Variants in TBC1D19 observed in about 807,000 individuals in gnomAD.
TBC1D19 encodes TBC1 domain family member 19.
A neutral mutation model predicts 89.0 loss-of-function variants in TBC1D19; 60 were observed. The ratio of observed to expected loss-of-function variants is 0.67; its 90% confidence interval spans 0.55 to 0.84. TBC1D19 has a LOEUF of 0.84. Ranked by LOEUF, TBC1D19 falls within the 40% of genes least tolerant of loss-of-function variation. The pLI, the probability that TBC1D19 is intolerant of heterozygous loss-of-function variation, is 0.00. For synonymous variants in TBC1D19, 189 were observed against 199.7 expected (o/e 0.95, Z 0.45); for missense variants, 500 against 610.8 (o/e 0.82, Z 1.91).
chr4:26,780,237 A>G, the TBC1D19 span, among the ~76,000 whole-genome samples: 1 of 152,178 alleles, frequency 6.6e-6, no homozygotes, highest in Non-Finnish European at 1.5e-5. Flanking sequence ...CTAAATTAGG[A>G]TCGTCCCACA....
At chr4:26,714,608 G>A (rs1349922239) in intron 13 of TBC1D19, among the ~76,000 whole-genome samples, 1 of 151,990 alleles carries the variant, frequency 6.6e-6, no homozygotes, top group African/African-American at 2.4e-5. Flanking sequence ...ATAAAATTTG[G>A]AAGGCCTTCT....
intron 13 of TBC1D19, among the ~76,000 whole-genome samples, chr4:26,700,471 A>G (rs533535190): frequency 3.2e-4 from 49 of 152,278 alleles, no homozygotes; most frequent in African/African-American, 1.1e-3. Context: ...CCAGAACTTC[A>G]TGGGCCTTCA....
Position 26,755,136 on chromosome 4 carries a change from A to G in TBC1D19, c.*189A>G, listed in dbSNP as rs928329594. 3.1e-6 allele frequency: 1 copy of G among 322,330 alleles called. No individual in the cohort carries two copies. The highest frequency in any genetic ancestry group is 5.6e-6 in the Non-Finnish European group (1 of 179,354). The allele number at this position is 322,330 out of a possible 1,614,324, so 20.0% of individuals were successfully genotyped here. ...AACTCTGCACCAAATATTGCATCGC[A>G]TGCTGCTGATTTTCAAGAGAGAAGC... On this transcript the variant is annotated 3_prime_UTR_variant, in exon 21 of 21. Transcript: ENST00000264866.
intron 7 of TBC1D19, among the ~76,000 whole-genome samples, chr4:26,646,948 A>G (rs1744011743): frequency 6.6e-6 from 1 of 152,156 alleles, no homozygotes; most frequent in Non-Finnish European, 1.5e-5. Flanking sequence ...TAAAATAATG[A>G]AAAAGAATAG....
In TBC1D19 at chr4:26,717,918, C is replaced by T. The variant is rs754383881; in HGVS notation, c.955-15C>T. On this transcript the variant is annotated splice_polypyrimidine_tract_variant and intron_variant, in intron 13 of 20. Transcript: ENST00000264866. ...TAGTGCTTAATTGCTATTTTTTTTC[C>T]AATGTTATATTCAGGTATTACTTTG... The T allele has an allele frequency of 3.8e-6, 6 of 1,596,554 alleles. No homozygotes were observed. In the Admixed American group the frequency reaches 6.8e-5, roughly 18 times the overall value.
At chr4:26,691,223 G>A (rs1714252834) in intron 13 of TBC1D19, among the ~76,000 whole-genome samples, 1 of 152,108 alleles carries the variant, frequency 6.6e-6, no homozygotes, top group Non-Finnish European at 1.5e-5. Flanking sequence ...TGCTTCTTGA[G>A]GATAAACAAA....
chr4:26,606,673 A>T (rs1480431104), intron 1 of TBC1D19, among the ~76,000 whole-genome samples: 2 of 152,170 alleles, frequency 1.3e-5, no homozygotes, highest in African/African-American at 4.8e-5. Context: ...GAGGATAATC[A>T]AGCATTAAAT....
intron 19 of TBC1D19, among the ~76,000 whole-genome samples, chr4:26,750,210 A>G (rs1718874147): frequency 1.3e-5 from 2 of 152,210 alleles, no homozygotes. Flanking sequence ...TTTCCAAGCT[A>G]AGTAGCCTTG....
chr4:26,666,679 T>C (rs1488823205), intron 9 of TBC1D19, among the ~76,000 whole-genome samples: 2 of 152,068 alleles, frequency 1.3e-5, no homozygotes, highest in Non-Finnish European at 2.9e-5. Context: ...GAATCTTTAC[T>C]GGCAACATCC....
intron 16 of TBC1D19, 93 bp from the exon 17 acceptor site, chr4:26,739,771 C>A: frequency 1.4e-6 from 1 of 713,704 alleles, no homozygotes; most frequent in Non-Finnish European, 2.1e-6. Flanking sequence ...TATATGATTA[C>A]TATAAAATAG....
chr4:26,807,499 C>T, the TBC1D19 span, among the ~76,000 whole-genome samples: 2 of 152,182 alleles, frequency 1.3e-5, no homozygotes, highest in African/African-American at 2.4e-5. Context: ...TTATATAGAT[C>T]GAGCTGCTTC....
downstream of TBC1D19, among the ~76,000 whole-genome samples, chr4:26,759,326 T>C (rs1719381451): frequency 6.6e-6 from 1 of 152,194 alleles, no homozygotes. Flanking sequence ...TCTAATTCAC[T>C]CATTTACTGA....
intron 9 of TBC1D19, among the ~76,000 whole-genome samples, chr4:26,669,722 G>T (rs947711736): frequency 5.3e-5 from 8 of 151,552 alleles, no homozygotes; most frequent in African/African-American, 1.7e-4. Context: ...ATGAGAATTG[G>T]CTGGCAACTT....
chr4:26,701,556 C>A (rs1326039266), intron 13 of TBC1D19, among the ~76,000 whole-genome samples: 1 of 151,922 alleles, frequency 6.6e-6, no homozygotes, highest in African/African-American at 2.4e-5. Flanking sequence ...ATGGGGTTAT[C>A]TTTTTCATTA....
intron 7 of TBC1D19, among the ~76,000 whole-genome samples, chr4:26,654,297 G>T (rs1233515510): frequency 6.6e-6 from 1 of 152,256 alleles, no homozygotes; most frequent in Non-Finnish European, 1.5e-5. Context: ...CTCTCTGGCT[G>T]CCCTTAACAT....
chr4:26,687,000 C>T (rs1284594969), intron 12 of TBC1D19, among the ~76,000 whole-genome samples: 1 of 152,004 alleles, frequency 6.6e-6, no homozygotes, highest in Admixed American at 6.6e-5. Context: ...CGATGGTAAA[C>T]ATTTATTATT....
intron 11 of TBC1D19, 40 bp downstream of exon 11, chr4:26,673,928 G>T: frequency 4.0e-6 from 5 of 1,243,696 alleles, no homozygotes; most frequent in Non-Finnish European, 5.6e-6. Context: ...TTAGCTTTGG[G>T]GTATTTATTT....
At chr4:26,691,023 T>G (rs559492742) in intron 13 of TBC1D19, among the ~76,000 whole-genome samples, 1 of 152,282 alleles carries the variant, frequency 6.6e-6, no homozygotes. Context: ...GGTCAAAATA[T>G]CAACATGAAA....
downstream of TBC1D19, among the ~76,000 whole-genome samples, chr4:26,760,315 C>A (rs560661733): frequency 6.6e-6 from 1 of 152,258 alleles, no homozygotes; most frequent in African/African-American, 2.4e-5. Context: ...ATAATCCCAG[C>A]ACTTTGGGAG....
Sources: gnomAD v4.1 joint callset for allele counts (sites outside exome capture counted in the v4.1 genomes callset) on GRCh38, gnomAD v4.1.1 for gene constraint, MANE v1.5 for transcripts, NCBI Gene and HGNC (gene_info 2026-07-23, HGNC 2026-07-21) for gene names.